Variants in DRICH1 observed in about 807,000 individuals in gnomAD.
The protein encoded by DRICH1 is aspartate-rich protein 1.
A neutral mutation model predicts 39.5 loss-of-function variants in DRICH1; 38 were observed. The observed-to-expected ratio is 0.96, with a 90% CI of 0.74 to 1.26. The LOEUF (loss-of-function observed/expected upper bound fraction) is 1.26, where lower values mean the gene tolerates loss of function less well. DRICH1 is among the 50% of genes most tolerant of loss of function. The probability of loss-of-function intolerance (pLI) is 0.00; values close to 1 mark genes in which losing one functional copy is unlikely to be tolerated. For synonymous variants in DRICH1, 84 were observed against 99.5 expected, an observed-to-expected ratio of 0.84 and a Z score of 0.93; for missense variants, 279 against 270.4, an observed-to-expected ratio of 1.03 and a Z score of -0.22.
At chr22:23,624,426 A>T (rs1251495180) in intron 3 of DRICH1, 1 of 798,748 alleles carries the variant, frequency 1.3e-6, no homozygotes, top group African/African-American at 1.9e-5. Context: ...TGAAAATAAC[A>T]AACTCAGCTT....
chr22:23,619,424 C>T (rs1216097632), intron 5 of DRICH1, 31 bp from the exon 6 acceptor site: 1 of 779,240 alleles, frequency 1.3e-6, no homozygotes, highest in South Asian at 1.3e-5. Context: ...TAATCTAAGA[C>T]TTTAAGGAAT....
chr22:23,596,409 G>T, the DRICH1 span, among the ~76,000 whole-genome samples: 1 of 134,562 alleles, frequency 7.4e-6, no homozygotes, highest in East Asian at 2.4e-4. Flanking sequence ...ACAGGTACAT[G>T]GCACCCCCGT....
the DRICH1 span, among the ~76,000 whole-genome samples, chr22:23,594,658 G>C: frequency 6.6e-6 from 1 of 152,016 alleles, no homozygotes; most frequent in Non-Finnish European, 1.5e-5. Context: ...CTGAGGATGT[G>C]ACAGTCATTC....
the DRICH1 span, chr22:23,581,474 G>A: frequency 6.6e-6 from 1 of 152,336 alleles, no homozygotes; most frequent in South Asian, 2.1e-4. Context: ...CCAGAGGCGG[G>A]GCTGGAAATG....
At chr22:23,600,711 C>T in the DRICH1 span, among the ~76,000 whole-genome samples, 39 of 143,342 alleles carry the variant, frequency 2.7e-4, no homozygotes, top group African/African-American at 9.4e-4. Context: ...CTCGCTCTGT[C>T]GCCCAGGCTG....
chr22:23,608,733 T>C lies in DRICH1; in HGVS notation c.*31A>G, dbSNP rs2123756629. The stretch of plus-strand genomic sequence containing the variant: ...AGCACGCGCTGGCCTGCCCTTTGGG[T>C]CAGCACCCTGGTCAGCTCCACAGAA... On this transcript the variant is annotated 3_prime_UTR_variant, in exon 12 of 12. Transcript: ENST00000317749. 8 of 1,555,966 alleles carry C rather than the reference T, an allele frequency of 5.1e-6. No homozygotes were observed. The highest frequency in any genetic ancestry group is 7.0e-6 in the Non-Finnish European group (8 of 1,148,808).
chr22:23,623,749 C>CTTGGTAATGTTGG, intron 3 of DRICH1: 1 of 168,626 alleles, frequency 5.9e-6, no homozygotes, highest in Non-Finnish European at 1.2e-5. Flanking sequence ...TTGAAATCTA[C>CTTGGTAATGTTGG]AAAAAACAGA....
chr22:23,625,682 T>C (rs1023912689), intron 2 of DRICH1, among the ~76,000 whole-genome samples: 5 of 150,870 alleles, frequency 3.3e-5, no homozygotes, highest in Non-Finnish European at 5.9e-5. Flanking sequence ...AAGACAACCA[T>C]AAAAAAAAAT....
chr22:23,627,839 G>C (rs1351605274), intron 1 of DRICH1, among the ~76,000 whole-genome samples: 1 of 152,098 alleles, frequency 6.6e-6, no homozygotes, highest in African/African-American at 2.4e-5. Context: ...GCTGAGAAGG[G>C]AACATTTCCA....
rs115354379 is a variant in DRICH1, at chr22:23,625,012, G to C, written c.277-108C>G. The C allele has an allele frequency of 1.6e-4, 199 of 1,267,334 alleles. No individual in the cohort carries two copies. The African/African-American group carries it at 2.8e-3, about 18-fold the overall frequency. The allele number at this position is 1,267,334 out of a possible 1,614,324, so 78.5% of individuals were successfully genotyped here. The stretch of plus-strand genomic sequence containing the variant: ...ACTTCAGAAAACTACTTTTGAAACA[G>C]TGGTTGAGTCCATGTCAAAGACAAA... On this transcript the variant is annotated intron_variant, in intron 2 of 11. Transcript: ENST00000317749.
intron 8 of DRICH1, among the ~76,000 whole-genome samples, chr22:23,614,687 T>C (rs1927248900): frequency 6.6e-6 from 1 of 152,220 alleles, no homozygotes; most frequent in Admixed American, 6.5e-5. Context: ...AATTATTCTA[T>C]TAATGACACT....
At chr22:23,599,458 T>TC in the DRICH1 span, among the ~76,000 whole-genome samples, 3 of 152,154 alleles carry the variant, frequency 2.0e-5, no homozygotes, top group Non-Finnish European at 4.4e-5. Context: ...CCCCTGCCCC[T>TC]ATTAAGGCCT....
At chr22:23,614,063 CA>C in intron 9 of DRICH1, 71 bp downstream of exon 9, 1 of 1,059,834 alleles carries the variant, frequency 9.4e-7, no homozygotes, top group Non-Finnish European at 1.5e-6. Flanking sequence ...ATTTTCATAT[CA>C]AAATTAATTG....
chr22:23,630,314 G>T (rs780068153), intron 1 of DRICH1, among the ~76,000 whole-genome samples: 1 of 152,110 alleles, frequency 6.6e-6, no homozygotes, highest in African/African-American at 2.4e-5. Flanking sequence ...GTGATGACAC[G>T]GTTGAGTAAT....
rs1304034779 is a variant in DRICH1 at position 23,631,864 on chromosome 22, T to C, written c.160A>G (p.Thr54Ala). The change falls in exon 1 of 12, where the codon ACG becomes GCG. Residue 54 changes from threonine to alanine, a missense_variant. Transcript: ENST00000317749. ...VEPGKLDVGA[T>A]EGQDLQHISN... is the part of the protein sequence containing the mutation. The stretch of plus-strand genomic sequence containing the variant: ...ATGTGCTGCAGGTCTTGGCCCTCCG[T>C]GGCTCCCACATCCAGCTTGCCAGGC... The C allele has an allele frequency of 2.5e-6, 4 of 1,612,682 alleles. No individual in the cohort carries two copies. The highest frequency in any genetic ancestry group is 1.7e-5 in the Admixed American group (1 of 59,996).
At chr22:23,617,721 C>T (rs1569090730) in intron 6 of DRICH1, 64 bp from the exon 7 acceptor site, 1 of 1,518,996 alleles carries the variant, frequency 6.6e-7, no homozygotes, top group Non-Finnish European at 9.1e-7. Flanking sequence ...ACTCAGGGAG[C>T]TTTGCTGGAT....
At chr22:23,584,429 G>A in the DRICH1 span, among the ~76,000 whole-genome samples, 4 of 152,118 alleles carry the variant, frequency 2.6e-5, no homozygotes, top group East Asian at 1.9e-4. Flanking sequence ...CAAAGACTCC[G>A]CCTGCACCAC....
chr22:23,620,451 C>T (rs921892657), intron 5 of DRICH1, 143 bp downstream of exon 5: 29 of 952,216 alleles, frequency 3.0e-5, no homozygotes, highest in Admixed American at 1.1e-4. Context: ...TTCTACAGCC[C>T]CTCTGCTCAT....
chr22:23,631,439 TAAATAATA>T (rs1417627673), intron 1 of DRICH1, among the ~76,000 whole-genome samples: 3 of 150,100 alleles, frequency 2.0e-5, no homozygotes, highest in Admixed American at 6.7e-5. Flanking sequence ...AATAAATAAA[TAAATAATA>T]AATAAAATTT....
Sources: allele counts gnomAD v4.1 joint callset (sites outside exome capture counted in the v4.1 genomes callset), GRCh38; gene constraint gnomAD v4.1.1; transcripts MANE v1.5; gene names NCBI Gene and HGNC (gene_info 2026-07-23, HGNC 2026-07-21).